The following CFAP77 variants were observed in gnomAD, a reference collection of about 807,000 sequenced individuals.
CFAP77 encodes the protein cilia and flagella associated protein 77.
In CFAP77, 25 loss-of-function variants were observed where a neutral mutation model predicts 31.1. The ratio of observed to expected loss-of-function variants is 0.80; its 90% confidence interval spans 0.59 to 1.12. The LOEUF (loss-of-function observed/expected upper bound fraction) is 1.12, where lower values mean the gene tolerates loss of function less well. Ranked by LOEUF, CFAP77 falls within the 50% of genes most tolerant of loss-of-function variation. The pLI is 0.00. For missense variants in CFAP77, 377 were observed against 397.3 expected, an observed-to-expected ratio of 0.95 and a Z score of 0.44; for synonymous variants, 151 against 159.9, an observed-to-expected ratio of 0.94 and a Z score of 0.42.
At chr9:132,538,680 A>C (rs1852587792) in intron 4 of CFAP77, among the ~76,000 whole-genome samples, 1 of 152,194 alleles carries the variant, frequency 6.6e-6, no homozygotes, top group Admixed American at 6.5e-5. Flanking sequence ...CAGGAGGCTG[A>C]GGCAGGAGAA....
intron 1 of CFAP77, among the ~76,000 whole-genome samples, chr9:132,457,420 G>T (rs966816078): frequency 3.9e-5 from 6 of 152,220 alleles, no homozygotes; most frequent in African/African-American, 9.6e-5. Context: ...TTTCTTTTGT[G>T]TTTTTTGCTT....
In CFAP77 at chr9:132,539,428, C is replaced by T. The variant is rs112580481; in HGVS notation, c.630+1722C>T. ...TATCATCTCAGTTTGGTTTATTTCA[C>T]GGGGAAACTAGGGCTCAGAGAGATG... On this transcript the variant is annotated intron_variant, in intron 4 of 5. Coordinates refer to ENST00000393216, the MANE Select transcript of CFAP77 (RefSeq NM_001282957.2). The surrounding 1 kb of genome is among the most constrained non-coding windows in gnomAD (Gnocchi z 4.3). Among the ~76,000 whole-genome samples, 2,438 of 152,172 alleles carry T rather than the reference C, an allele frequency of 0.016. 70 individuals are homozygous for T. The highest frequency in any genetic ancestry group is 0.054 in the African/African-American group (2,245 of 41,496).
intron 1 of CFAP77, among the ~76,000 whole-genome samples, chr9:132,473,160 AGAGT>A (rs1245946149): frequency 6.6e-6 from 1 of 152,180 alleles, no homozygotes; most frequent in African/African-American, 2.4e-5. Flanking sequence ...AGAAACTAAC[AGAGT>A]GAGAACTCGT....
rs1453884888 is a variant in CFAP77, at chr9:132,490,399, C to CTGTGTG, written c.196-8291_196-8290insGTGTGT. 6.6e-6 allele frequency among the ~76,000 whole-genome samples: 1 copy of CTGTGTG among 152,206 alleles called. No individual in the cohort carries two copies. Among genetic ancestry groups the CTGTGTG allele is most frequent in the Non-Finnish European group, 1.5e-5 (1 of 68,048 alleles). Reference sequence around the variant, plus strand: ...CAGATGTCTGTCACAACCTGCTTGCCTGTGTCTGAAAGTTCGGGGTCAGGA... The same window carrying CTGTGTG: ...CAGATGTCTGTCACAACCTGCTTGCCTGTGTGTGTGTCTGAAAGTTCGGGGTCAGGA... On this transcript the variant is annotated intron_variant, in intron 1 of 5. Coordinates refer to ENST00000393216, the MANE Select transcript of CFAP77 (RefSeq NM_001282957.2). The surrounding 1 kb of genome is among the most constrained non-coding windows in gnomAD (Gnocchi z 4.6).
intron 1 of CFAP77, among the ~76,000 whole-genome samples, chr9:132,478,587 A>C (rs1851391181): frequency 6.6e-6 from 1 of 152,196 alleles, no homozygotes; most frequent in Non-Finnish European, 1.5e-5. Context: ...GTCCTATTTG[A>C]AAAGATATAA....
Position 132,495,127 on chromosome 9 carries a change from G to A in CFAP77, c.196-3568G>A, listed in dbSNP as rs557082115. On this transcript the variant is annotated intron_variant, in intron 1 of 5. Transcript: ENST00000393216. This position sits in a 1 kb window ranked among gnomAD's most constrained non-coding sequence, Gnocchi z 4.2. ...CTTCCAGCACAGAGGGCTTAGCGCT[G>A]AGTGGGTACAAAATAAATATTTGTG... is the stretch of plus-strand genomic sequence containing the variant. Among the ~76,000 whole-genome samples the A allele has an allele frequency of 6.6e-6, 1 of 152,266 alleles. No homozygotes were observed. The highest frequency in any genetic ancestry group is 6.5e-5 in the Admixed American group (1 of 15,296).
rs1427072197 is a variant in CFAP77, at chr9:132,480,337, C to G, written c.196-18358C>G. ...GGAAAGGGCTTTCCCACTTTTTGCCCTCATAGCTCAACTCCCTAGGGAATT... is the reference window on the plus strand; with the variant it reads ...GGAAAGGGCTTTCCCACTTTTTGCCGTCATAGCTCAACTCCCTAGGGAATT... On this transcript the variant is annotated intron_variant, in intron 1 of 5. Transcript: ENST00000393216. This position sits in a 1 kb window ranked among gnomAD's most constrained non-coding sequence, Gnocchi z 5.8. Among the ~76,000 whole-genome samples the G allele has an allele frequency of 3.3e-5, 5 of 152,138 alleles. No individual in the cohort carries two copies. The highest frequency in any genetic ancestry group is 5.9e-5 in the Non-Finnish European group (4 of 68,002).
intron 3 of CFAP77, among the ~76,000 whole-genome samples, chr9:132,536,198 T>A (rs79367459): frequency 6.6e-6 from 1 of 152,132 alleles, no homozygotes; most frequent in Admixed American, 6.5e-5. Context: ...TTAGGGGAGC[T>A]GGGAGTTATT....
At chr9:132,533,184 T>C (rs944812) in intron 3 of CFAP77, among the ~76,000 whole-genome samples, 63,725 of 151,988 alleles carry the variant, frequency 0.42, 13,519 homozygotes, top group African/African-American at 0.5. Flanking sequence ...GACCCAGGTG[T>C]ATAGTTTGAG....
chr9:132,485,790 T>A (rs1851530066), intron 1 of CFAP77, among the ~76,000 whole-genome samples: 1 of 151,266 alleles, frequency 6.6e-6, no homozygotes, highest in Non-Finnish European at 1.5e-5. Flanking sequence ...ACAGTTCCCA[T>A]TTATTGGGCA....
Position 132,513,532 on chromosome 9 carries a change from C to CA in CFAP77, c.524+13933dup, listed in dbSNP as rs1394403220. 11 of 645,592 alleles carry CA rather than the reference C, an allele frequency of 1.7e-5. No homozygotes were observed. In the African/African-American group the frequency reaches 2.0e-4, roughly 12 times the overall value. 40.0% of individuals were successfully genotyped at this position (645,592 alleles called of 1,614,324 possible). A position where few individuals can be genotyped will look rare whatever the true frequency, so the allele number is the denominator to read the frequency against. On this transcript the variant is annotated intron_variant, in intron 3 of 5. Coordinates refer to ENST00000393216, the MANE Select transcript of CFAP77 (RefSeq NM_001282957.2). ...CAGTTTTGCTCTGTCGTTAGCGATC[C>CA]ATAAATCATAGGGACTACTGAGCGG...
intron 5 of CFAP77, among the ~76,000 whole-genome samples, chr9:132,566,240 A>G (rs17149294): frequency 0.12 from 17,625 of 152,226 alleles, 1,252 homozygotes; most frequent in African/African-American, 0.2. Context: ...CATGGACTCC[A>G]TGAGCATTTA....
chr9:132,475,961 G>T (rs1323682958), intron 1 of CFAP77, among the ~76,000 whole-genome samples: 1 of 152,234 alleles, frequency 6.6e-6, no homozygotes, highest in East Asian at 1.9e-4. Context: ...CTTCCGTCTG[G>T]TCTGCTGGAT....
rs1852608729 is a variant in CFAP77 at position 132,539,857 on chromosome 9, G to T, written c.630+2151G>T. ...GTGGTGATGGCCGATTTCAGAGGGA[G>T]CATTACCAGCACAAACTGCTTTCTA... On this transcript the variant is annotated intron_variant, in intron 4 of 5. Transcript: ENST00000393216. This position sits in a 1 kb window ranked among gnomAD's most constrained non-coding sequence, Gnocchi z 4.3. 6.6e-6 allele frequency among the ~76,000 whole-genome samples: 1 copy of T among 152,214 alleles called. No individual in the cohort carries two copies. The highest frequency in any genetic ancestry group is 2.4e-5 in the African/African-American group (1 of 41,450).
intron 3 of CFAP77, among the ~76,000 whole-genome samples, chr9:132,530,147 T>C (rs1385594563): frequency 7.4e-5 from 11 of 149,396 alleles, no homozygotes; most frequent in African/African-American, 2.5e-4. Flanking sequence ...TTTTTTTTTT[T>C]TTTTTTTTTT....
At position 132,539,185 on chromosome 9, in the gene CFAP77, G is replaced by A. The variant is rs906581165; in HGVS notation, c.630+1479G>A. On this transcript the variant is annotated intron_variant, in intron 4 of 5. Transcript: ENST00000393216. The surrounding 1 kb of genome is among the most constrained non-coding windows in gnomAD (Gnocchi z 4.3). ...TCAGAGAGATCAGATTGGCCTCCTC[G>A]GCAGTAGGTCCAGACTGACGATGGT... Among the ~76,000 whole-genome samples, 15 of 152,118 alleles carry A rather than the reference G, an allele frequency of 9.9e-5. No individual in the cohort carries two copies. Among genetic ancestry groups the A allele is most frequent in the African/African-American group, 1.7e-4 (7 of 41,418 alleles).
chr9:132,482,739 A>AT (rs144077144), intron 1 of CFAP77, among the ~76,000 whole-genome samples: 6,377 of 127,278 alleles, frequency 0.05, 507 homozygotes, highest in African/African-American at 0.18. Context: ...TTGGATTCTC[A>AT]TTTTTTTTTT....
At chr9:132,536,078 C>A (rs551492334) in intron 3 of CFAP77, among the ~76,000 whole-genome samples, 3 of 152,074 alleles carry the variant, frequency 2.0e-5, no homozygotes, top group South Asian at 4.2e-4. Flanking sequence ...TGATATACAT[C>A]ATAAATTCTA....
Position 132,569,759 on chromosome 9 carries a change from G to A in CFAP77, c.733-2629G>A, listed in dbSNP as rs1366844414. Among the ~76,000 whole-genome samples the A allele has an allele frequency of 4.5e-5, 6 of 133,238 alleles. No individual in the cohort carries two copies. In the South Asian group the frequency reaches 7.1e-4, roughly 16 times the overall value. The allele number at this position is 133,238 out of a possible 152,430, so 87.4% of individuals were successfully genotyped here. A position where few individuals can be genotyped will look rare whatever the true frequency, so the allele number is the denominator to read the frequency against. Reference sequence around the variant, plus strand: ...TTTTTTTTTTTTTTTTTTTTGAGACGGAATCTCGCTCTGTTGTCCAGGCTG... The same window carrying A: ...TTTTTTTTTTTTTTTTTTTTGAGACAGAATCTCGCTCTGTTGTCCAGGCTG... On this transcript the variant is annotated intron_variant, in intron 5 of 5. Coordinates refer to ENST00000393216, the MANE Select transcript of CFAP77 (RefSeq NM_001282957.2).
Sources: gnomAD v4.1 joint callset for allele counts (sites outside exome capture counted in the v4.1 genomes callset) on GRCh38, gnomAD v4.1.1 for gene constraint, Gnocchi (gnomAD v3.1) non-coding constraint, MANE v1.5 for transcripts, NCBI Gene and HGNC (gene_info 2026-07-23, HGNC 2026-07-21) for gene names.